The following CDH8 variants were observed in gnomAD, a reference collection of about 807,000 sequenced individuals.
CDH8 encodes cadherin-8.
In CDH8, 17 loss-of-function variants were observed where a neutral mutation model predicts 68.1. That is an observed-to-expected ratio of 0.25 (90% CI 0.17 to 0.37). The LOEUF (loss-of-function observed/expected upper bound fraction) is 0.37, where lower values mean the gene tolerates loss of function less well. Among genes scored for constraint, CDH8 ranks in the 10% least tolerant of loss-of-function variants. The pLI is 1.00. For missense variants in CDH8, 763 were observed against 999.3 expected (o/e 0.76, Z 3.19); for synonymous variants, 372 against 365.1 (o/e 1.02, Z -0.21).
chr16:61,963,199 G>A (rs1965189119), intron 2 of CDH8, among the ~76,000 whole-genome samples: 1 of 152,070 alleles, frequency 6.6e-6, no homozygotes, highest in African/African-American at 2.4e-5. Flanking sequence ...GAATGATAAG[G>A]CATGGTGGGG....
chr16:61,725,716 G>A (rs76170595), intron 9 of CDH8: 1 of 150,894 alleles, frequency 6.6e-6, no homozygotes, highest in African/African-American at 2.4e-5. Flanking sequence ...TGCTCAAAAC[G>A]TGTGATTGAT....
chr16:61,768,968 G>GA (rs1315859529), intron 8 of CDH8, among the ~76,000 whole-genome samples: 1 of 151,620 alleles, frequency 6.6e-6, no homozygotes, highest in African/African-American at 2.4e-5. Flanking sequence ...AACCCTTTAT[G>GA]CATTAAAATT....
chr16:61,913,127 A>C (rs1276599913), intron 2 of CDH8, among the ~76,000 whole-genome samples: 1 of 152,200 alleles, frequency 6.6e-6, no homozygotes, highest in Non-Finnish European at 1.5e-5. Context: ...TTGCATAGAC[A>C]TAATGAGATA....
intron 8 of CDH8, among the ~76,000 whole-genome samples, chr16:61,767,953 C>T (rs1960637615): frequency 6.6e-6 from 1 of 151,840 alleles, no homozygotes; most frequent in Non-Finnish European, 1.5e-5. Context: ...CAATTTTCTC[C>T]TTCCTACAGT....
At chr16:61,685,666 A>G (rs1409891398) in intron 10 of CDH8, among the ~76,000 whole-genome samples, 1 of 152,020 alleles carries the variant, frequency 6.6e-6, no homozygotes, top group Non-Finnish European at 1.5e-5. Flanking sequence ...AAAGTGCTTA[A>G]CATAGACCAG....
intron 8 of CDH8, among the ~76,000 whole-genome samples, chr16:61,758,388 G>A (rs1960376443): frequency 6.6e-6 from 1 of 152,116 alleles, no homozygotes; most frequent in Admixed American, 6.6e-5. Flanking sequence ...AACTTTTTCT[G>A]AAATTAGGAC....
At chr16:61,816,812 G>A (rs1962085523) in intron 7 of CDH8, among the ~76,000 whole-genome samples, 1 of 151,980 alleles carries the variant, frequency 6.6e-6, no homozygotes, top group Non-Finnish European at 1.5e-5. Flanking sequence ...AGACAGAAAA[G>A]CTTTAATAAA....
chr16:61,966,262 G>A (rs1261017293), intron 2 of CDH8, among the ~76,000 whole-genome samples: 11 of 152,120 alleles, frequency 7.2e-5, no homozygotes, highest in African/African-American at 2.4e-4. Context: ...AATGTGGGCC[G>A]GGCGCCGTGG....
intron 8 of CDH8, among the ~76,000 whole-genome samples, chr16:61,783,190 AAAAATTTAGAAGAATGTATAACTAGAAT>A (rs1961132179): frequency 8.2e-6 from 1 of 121,746 alleles, no homozygotes; most frequent in Non-Finnish European, 1.7e-5. Flanking sequence ...AAACTTTGAA[AAAAATTTAGAAGAATGTATAACTAGAAT>A]AACCAATACA....
chr16:61,712,066 AATAAAACAG>A (rs1249765814), intron 10 of CDH8, among the ~76,000 whole-genome samples: 1 of 151,792 alleles, frequency 6.6e-6, no homozygotes, highest in Non-Finnish European at 1.5e-5. Context: ...CCAGTTTCAA[AATAAAACAG>A]ATAATCCACA....
Position 62,021,086 on chromosome 16 carries a change from T to C in CDH8, c.252+66A>G, listed in dbSNP as rs1902062156. 22 of 1,347,134 alleles carry C rather than the reference T, an allele frequency of 1.6e-5. 1 individual carries two copies. The South Asian group carries it at 2.4e-4, about 15-fold the overall frequency. The allele number at this position is 1,347,134 out of a possible 1,614,324, so 83.4% of individuals were successfully genotyped here. On this transcript the variant is annotated intron_variant, in intron 2 of 11. Coordinates refer to ENST00000577390, the MANE Select transcript of CDH8 (RefSeq NM_001796.5). ...TAAGTGTGGTCACAATTAAAAAGAG[T>C]CTGGTATTAAACATCTTAAGACCAC...
rs368981833 is a variant in CDH8, at chr16:61,683,971, T to C, written c.1655-28250A>G. 4.6e-5 allele frequency among the ~76,000 whole-genome samples: 7 copies of C among 152,120 alleles called. No individual in the cohort carries two copies. In the East Asian group the frequency reaches 1.2e-3, roughly 25 times the overall value. ...GAGCAGGGCCCATGTTTGGTAATTC[T>C]AGAAAAGCCAGTTGAAGACAGAACA... On this transcript the variant is annotated intron_variant, in intron 10 of 11. Transcript: ENST00000577390.
chr16:61,766,082 C>A (rs1275072529), intron 8 of CDH8, among the ~76,000 whole-genome samples: 1 of 151,852 alleles, frequency 6.6e-6, no homozygotes, highest in Non-Finnish European at 1.5e-5. Context: ...TTTAGTGCAA[C>A]CATCACCCAA....
chr16:62,029,399 C>T (rs1442077796), intron 1 of CDH8, among the ~76,000 whole-genome samples: 1 of 152,096 alleles, frequency 6.6e-6, no homozygotes, highest in Non-Finnish European at 1.5e-5. Context: ...ACAAAAATGG[C>T]ATGAACCAGG....
chr16:61,992,357 C>T (rs1374539907), intron 2 of CDH8, among the ~76,000 whole-genome samples: 2 of 145,992 alleles, frequency 1.4e-5, no homozygotes, highest in Non-Finnish European at 3.0e-5. Context: ...AACCAAACAC[C>T]GCATGTTCTC....
rs546774504 is a variant in CDH8, at chr16:61,653,713, G to T, written c.2295C>A (p.Thr765=). The change falls in exon 12 of 12, where the codon ACC becomes ACA. Residue 765 remains threonine (T), a synonymous_variant. Transcript: ENST00000577390. ...VAGSLSSLES[T]TSDSDQNFDY... ...CAAAATTCTGGTCTGAGTCTGATGTGGTGGACTCCAAGGAGCTGAGGGAGC... is the reference window on the plus strand; with the variant it reads ...CAAAATTCTGGTCTGAGTCTGATGTTGTGGACTCCAAGGAGCTGAGGGAGC... The T allele has an allele frequency of 1.9e-6, 3 of 1,614,154 alleles. No homozygotes were observed. Among genetic ancestry groups the T allele is most frequent in the Non-Finnish European group, 1.7e-6 (2 of 1,180,020 alleles).
intron 4 of CDH8, among the ~76,000 whole-genome samples, chr16:61,825,706 T>G (rs949047648): frequency 6.6e-6 from 1 of 151,998 alleles, no homozygotes; most frequent in South Asian, 2.1e-4. Flanking sequence ...AGAATTAATA[T>G]AGTCAAGTGT....
At chr16:61,905,734 C>T (rs1458812591) in intron 2 of CDH8, among the ~76,000 whole-genome samples, 1 of 151,836 alleles carries the variant, frequency 6.6e-6, no homozygotes, top group Non-Finnish European at 1.5e-5. Flanking sequence ...TTTTACTTAA[C>T]TCAGAAAATG....
intron 4 of CDH8, among the ~76,000 whole-genome samples, chr16:61,832,608 A>C (rs941726276): frequency 6.6e-6 from 1 of 151,602 alleles, no homozygotes. Context: ...GAAAATCATA[A>C]ATTTTATTTT....
Sources: allele counts gnomAD v4.1 joint callset (sites outside exome capture counted in the v4.1 genomes callset), GRCh38; gene constraint gnomAD v4.1.1; transcripts MANE v1.5; gene names NCBI Gene and HGNC (gene_info 2026-07-23, HGNC 2026-07-21).